The following VAV2 variants were observed in gnomAD, a reference collection of about 807,000 sequenced individuals.
The protein encoded by VAV2 is vav guanine nucleotide exchange factor 2.
In VAV2, 67 loss-of-function variants were observed where a neutral mutation model predicts 132.5. The observed-to-expected ratio is 0.51, with a 90% CI of 0.42 to 0.62. The LOEUF is 0.62. VAV2 is among the 20% of genes least tolerant of loss of function. The probability of loss-of-function intolerance (pLI) is 0.00; values close to 1 mark genes in which losing one functional copy is unlikely to be tolerated. For synonymous variants in VAV2, 492 were observed against 443.5 expected (o/e 1.11, Z -1.37); for missense variants, 938 against 1,153.6 (o/e 0.81, Z 2.71).
intron 6 of VAV2, among the ~76,000 whole-genome samples, chr9:133,809,483 C>A (rs1373944625): frequency 6.6e-6 from 1 of 152,226 alleles, no homozygotes. Flanking sequence ...GAAGCTACCC[C>A]CTCCAGCACA....
chr9:133,959,354 C>A (rs1841893142), intron 1 of VAV2, among the ~76,000 whole-genome samples: 1 of 152,290 alleles, frequency 6.6e-6, no homozygotes, highest in East Asian at 1.9e-4. Flanking sequence ...CTCCGGGCTT[C>A]CCCAACGGTG....
intron 3 of VAV2, among the ~76,000 whole-genome samples, chr9:133,838,732 T>C (rs1836582802): frequency 7.0e-6 from 1 of 142,386 alleles, no homozygotes; most frequent in Non-Finnish European, 1.5e-5. Context: ...GGTGGGTGGA[T>C]GAATGGGTGG....
intron 1 of VAV2, among the ~76,000 whole-genome samples, chr9:133,990,826 C>T (rs1842991368): frequency 6.6e-6 from 1 of 152,142 alleles, no homozygotes; most frequent in South Asian, 2.1e-4. Flanking sequence ...GAGGCGCTGG[C>T]TCCCAGGGAG....
rs1841963631 is a variant in VAV2, at chr9:133,961,487, C to T, written c.205-22268G>A. On this transcript the variant is annotated intron_variant, in intron 1 of 29. Transcript: ENST00000371850. This position sits in a 1 kb window ranked among gnomAD's most constrained non-coding sequence, Gnocchi z 4.1. The stretch of plus-strand genomic sequence containing the variant: ...CCCCTTCTCCAACCCAGTCGGGTTT[C>T]AGTGACCCAAGGTCAGAGGCATGGA... Among the ~76,000 whole-genome samples the T allele has an allele frequency of 6.6e-6, 1 of 152,180 alleles. No homozygotes were observed. Among genetic ancestry groups the T allele is most frequent in the South Asian group, 2.1e-4 (1 of 4,832 alleles).
Position 133,859,843 on chromosome 9 carries a change from G to A in VAV2, c.380+1531C>T, listed in dbSNP as rs374446237. On this transcript the variant is annotated intron_variant, in intron 3 of 29. Coordinates refer to ENST00000371850, the MANE Select transcript of VAV2 (RefSeq NM_001134398.2). ...GCCTATTACAGACTTTGCACCAGCT[G>A]GAAAATAGCCTATGCACCTGGCGGA... 5.0e-4 allele frequency among the ~76,000 whole-genome samples: 76 copies of A among 152,318 alleles called. No individual in the cohort carries two copies. In the South Asian group the frequency reaches 7.7e-3, roughly 15 times the overall value.
intron 2 of VAV2, among the ~76,000 whole-genome samples, chr9:133,868,860 G>A (rs989851479): frequency 1.3e-5 from 2 of 152,330 alleles, no homozygotes; most frequent in African/African-American, 4.8e-5. Flanking sequence ...CAATGACCCA[G>A]GTGGATGCAG....
chr9:133,852,482 G>T (rs1837226730), intron 3 of VAV2, among the ~76,000 whole-genome samples: 1 of 152,146 alleles, frequency 6.6e-6, no homozygotes, highest in South Asian at 2.1e-4. Flanking sequence ...AGCCAGAGAA[G>T]TATTCTCAGT....
At chr9:133,901,953 C>T (rs1443672341) in intron 2 of VAV2, among the ~76,000 whole-genome samples, 1 of 152,190 alleles carries the variant, frequency 6.6e-6, no homozygotes, top group Non-Finnish European at 1.5e-5. Context: ...CATGCACCTC[C>T]TCCTACCACA....
intron 3 of VAV2, among the ~76,000 whole-genome samples, chr9:133,851,800 AATGGATGGATGG>A (rs141641770): frequency 8.1e-4 from 112 of 138,142 alleles, no homozygotes; most frequent in Non-Finnish European, 1.3e-3. Flanking sequence ...TGGGTGAATA[AATGGATGGATGG>A]ATGGATGGAT....
chr9:133,767,975 G>C (rs1833491671), intron 29 of VAV2, among the ~76,000 whole-genome samples: 1 of 152,140 alleles, frequency 6.6e-6, no homozygotes, highest in Non-Finnish European at 1.5e-5. Context: ...AAGTGTGAAG[G>C]GATTGGGGAC....
At chr9:133,971,867 T>C in intron 1 of VAV2, among the ~76,000 whole-genome samples, 1 of 151,966 alleles carries the variant, frequency 6.6e-6, no homozygotes, top group East Asian at 1.9e-4. Flanking sequence ...CCCCGTAGAG[T>C]GCACAGACCT....
chr9:133,943,639 C>T (rs1841253072), intron 1 of VAV2, among the ~76,000 whole-genome samples: 1 of 152,320 alleles, frequency 6.6e-6, no homozygotes, highest in African/African-American at 2.4e-5. Context: ...CTCCCCCAGG[C>T]TGGCGGCTAT....
At chr9:133,975,050 T>G (rs1842462296) in intron 1 of VAV2, among the ~76,000 whole-genome samples, 1 of 152,216 alleles carries the variant, frequency 6.6e-6, no homozygotes, top group African/African-American at 2.4e-5. Context: ...AAGGCCCTTT[T>G]TACGGCCTTT....
chr9:133,974,608 A>G (rs1842447034), intron 1 of VAV2, among the ~76,000 whole-genome samples: 1 of 152,146 alleles, frequency 6.6e-6, no homozygotes, highest in Admixed American at 6.5e-5. Flanking sequence ...AGGTGGAGCA[A>G]GTTGCCCAAA....
chr9:133,858,061 C>T (rs2131857827), intron 3 of VAV2, among the ~76,000 whole-genome samples: 1 of 152,330 alleles, frequency 6.6e-6, no homozygotes, highest in African/African-American at 2.4e-5. Context: ...GTGCTCAACC[C>T]CTCCACATGC....
rs887579800 is a variant in VAV2 at position 133,961,603 on chromosome 9, G to A, written c.205-22384C>T. 3.3e-5 allele frequency among the ~76,000 whole-genome samples: 5 copies of A among 152,162 alleles called. No individual in the cohort carries two copies. The highest frequency in any genetic ancestry group is 1.9e-4 in the East Asian group (1 of 5,190). On this transcript the variant is annotated intron_variant, in intron 1 of 29. Coordinates refer to ENST00000371850, the MANE Select transcript of VAV2 (RefSeq NM_001134398.2). The surrounding 1 kb of genome is among the most constrained non-coding windows in gnomAD (Gnocchi z 4.1). ...GCCCTCTGACCTCACAAAGACCCAC[G>A]GGGCTGGTTTGGGAGGCCCAGCCCA...
intron 2 of VAV2, among the ~76,000 whole-genome samples, chr9:133,936,955 T>G (rs965228016): frequency 1.3e-5 from 2 of 152,190 alleles, no homozygotes; most frequent in African/African-American, 4.8e-5. Flanking sequence ...GGCTGCCCAT[T>G]TGCAAACTGC....
chr9:133,812,898 G>A (rs371245559), intron 4 of VAV2, among the ~76,000 whole-genome samples: 32 of 152,146 alleles, frequency 2.1e-4, no homozygotes, highest in African/African-American at 7.5e-4. Context: ...TCCCCACTTG[G>A]TCTGTGATCT....
At chr9:133,950,876 G>A (rs942151452) in intron 1 of VAV2, among the ~76,000 whole-genome samples, 2 of 152,052 alleles carry the variant, frequency 1.3e-5, no homozygotes, top group Admixed American at 6.5e-5. Context: ...GCATTCGCAC[G>A]CTCTCTGGAG....
Sources: allele counts gnomAD v4.1 joint callset (sites outside exome capture counted in the v4.1 genomes callset), GRCh38; gene constraint gnomAD v4.1.1; non-coding constraint Gnocchi (gnomAD v3.1); transcripts MANE v1.5; gene names NCBI Gene and HGNC (gene_info 2026-07-23, HGNC 2026-07-21).